UGT2B7: variants seen among roughly 807,000 people sequenced by gnomAD.
The protein encoded by UGT2B7 is UDP glucuronosyltransferase family 2 member B7.
UGT2B7 carries 51 observed loss-of-function variants against 51.9 expected under a neutral mutation model. That is an observed-to-expected ratio of 0.98 (90% CI 0.78 to 1.24). The LOEUF (loss-of-function observed/expected upper bound fraction) is 1.24. Among genes scored for constraint, UGT2B7 ranks in the 50% most tolerant of loss-of-function variants. The pLI, the probability that UGT2B7 is intolerant of heterozygous loss-of-function variation, is 0.00. For missense variants in UGT2B7, 727 were observed against 628.4 expected, an observed-to-expected ratio of 1.16 and a Z score of -1.68; for synonymous variants, 225 against 211.6, an observed-to-expected ratio of 1.06 and a Z score of -0.55.
At chr4:69,093,169 G>T (rs1306608185), upstream of UGT2B7, among the ~76,000 whole-genome samples, 1 of 152,134 alleles carries the variant, frequency 6.6e-6, no homozygotes, top group Non-Finnish European at 1.5e-5. Context: ...GGAGTCCCCT[G>T]TTGGGAGGTC....
At chr4:69,108,448 T>A in intron 5 of UGT2B7, 126 bp downstream of exon 5, 1 of 1,131,752 alleles carries the variant, frequency 8.8e-7, no homozygotes, top group South Asian at 2.0e-5. Flanking sequence ...TTAACCAATC[T>A]GAAATCTGCT....
In UGT2B7 at chr4:69,112,551, C is replaced by T. The variant is rs201354412; in HGVS notation, c.1405C>T (p.Arg469Cys). The change falls in exon 6 of 6, where the codon CGC becomes TGC. Residue 469 changes from arginine (R) to cysteine (C), a missense_variant. By Grantham distance (180) the Arg-to-Cys change is radical. Coordinates refer to ENST00000305231, the MANE Select transcript of UGT2B7 (RefSeq NM_001074.4). ...AGTCTTCTGGATTGAATTTGTCATG[C>T]GCCACAAAGGAGCTAAACACCTTCG... ...RAVFWIEFVM[R>C]HKGAKHLRVA... 193 of 1,613,882 alleles carry T rather than the reference C, an allele frequency of 1.2e-4. No homozygotes were observed. The highest frequency in any genetic ancestry group is 2.9e-4 in the South Asian group (26 of 91,066).
At chr4:69,082,416 TAAAAC>T (rs1254340698) in intron 1 of UGT2B7, among the ~76,000 whole-genome samples, 1 of 151,220 alleles carries the variant, frequency 6.6e-6, no homozygotes, top group Non-Finnish European at 1.5e-5. Context: ...ACAAAAAAGA[TAAAAC>T]AAAGTTCACG....
chr4:69,088,040 T>C (rs1441231947), intron 1 of UGT2B7, among the ~76,000 whole-genome samples: 3 of 152,130 alleles, frequency 2.0e-5, no homozygotes, highest in East Asian at 1.9e-4. Flanking sequence ...TTATTTCTTA[T>C]CTCCTTTAAG....
At chr4:69,087,421 T>C (rs1055290429) in intron 1 of UGT2B7, among the ~76,000 whole-genome samples, 7 of 152,014 alleles carry the variant, frequency 4.6e-5, no homozygotes, top group South Asian at 2.1e-4. Flanking sequence ...TGATTTTCTT[T>C]AATAACTTTG....
At chr4:69,054,548 C>T (rs1172744341) in intron 1 of UGT2B7, among the ~76,000 whole-genome samples, 1 of 152,164 alleles carries the variant, frequency 6.6e-6, no homozygotes, top group Non-Finnish European at 1.5e-5. Context: ...AACCCTGCCA[C>T]CTTACTCCTG....
intron 1 of UGT2B7, among the ~76,000 whole-genome samples, chr4:69,061,939 A>C (rs1227013627): frequency 1.3e-5 from 2 of 152,182 alleles, no homozygotes; most frequent in Non-Finnish European, 2.9e-5. Context: ...AGGACAGAGA[A>C]GGCATGAGAG....
At chr4:69,091,571 T>A (rs762713725), upstream of UGT2B7, among the ~76,000 whole-genome samples, 1 of 152,178 alleles carries the variant, frequency 6.6e-6, no homozygotes, top group Non-Finnish European at 1.5e-5. Context: ...ATTTTTAACA[T>A]CTGTGTATAT....
At chr4:69,081,510 A>G (rs1718837280) in intron 1 of UGT2B7, among the ~76,000 whole-genome samples, 1 of 152,144 alleles carries the variant, frequency 6.6e-6, no homozygotes, top group South Asian at 2.1e-4. Context: ...TAAAATAGAA[A>G]CCTGTATACA....
At chr4:69,089,060 GGC>G (rs532115223) in intron 1 of UGT2B7, among the ~76,000 whole-genome samples, 239 of 152,088 alleles carry the variant, frequency 1.6e-3, no homozygotes, top group Non-Finnish European at 2.3e-3. Flanking sequence ...AATTCAGTGT[GGC>G]TTTTTGTATT....
intron 1 of UGT2B7, among the ~76,000 whole-genome samples, chr4:69,088,756 A>G (rs976947778): frequency 3.3e-5 from 5 of 151,956 alleles, no homozygotes; most frequent in East Asian, 1.9e-4. Flanking sequence ...CTTGTTTCCA[A>G]TTCACCCCAG....
intron 1 of UGT2B7, 33 bp from the exon 2 acceptor site, chr4:69,098,507 G>A: frequency 6.4e-7 from 1 of 1,556,320 alleles, no homozygotes; most frequent in Non-Finnish European, 8.6e-7. Context: ...ATTATCTTGT[G>A]TCATCCACCT....
At chr4:69,051,706 G>T (rs1192746245) in intron 1 of UGT2B7, 1 of 152,196 alleles carries the variant, frequency 6.6e-6, no homozygotes, top group Admixed American at 6.5e-5. Flanking sequence ...TTTTGACTCG[G>T]CTTGACTTGG....
chr4:69,091,550 T>G (rs1263318264), upstream of UGT2B7, among the ~76,000 whole-genome samples: 1 of 152,192 alleles, frequency 6.6e-6, no homozygotes, highest in African/African-American at 2.4e-5. Context: ...GCCATTCATA[T>G]TTAATATTTA....
At chr4:69,052,529 A>G (rs1424092251) in intron 1 of UGT2B7, among the ~76,000 whole-genome samples, 1 of 111,250 alleles carries the variant, frequency 9.0e-6, no homozygotes, top group Non-Finnish European at 1.8e-5. Flanking sequence ...GTCCAAAGAC[A>G]TCAAAAAAGT....
intron 1 of UGT2B7, among the ~76,000 whole-genome samples, chr4:69,059,488 C>T (rs1718295149): frequency 6.6e-6 from 1 of 152,148 alleles, no homozygotes; most frequent in Non-Finnish European, 1.5e-5. Context: ...CCGTACTGTA[C>T]CATAGGCTGA....
intron 1 of UGT2B7, among the ~76,000 whole-genome samples, chr4:69,058,291 C>T (rs938731641): frequency 6.6e-6 from 1 of 152,140 alleles, no homozygotes; most frequent in African/African-American, 2.4e-5. Context: ...GAGTCAAGCT[C>T]AAAGGGATAC....
Position 69,077,252 on chromosome 4 carries a change from T to C in UGT2B7, c.-158-12220T>C, listed in dbSNP as rs1013905790. Among the ~76,000 whole-genome samples, 12 of 151,974 alleles carry C rather than the reference T, an allele frequency of 7.9e-5. No individual in the cohort carries two copies. The East Asian group carries it at 2.3e-3, about 29-fold the overall frequency. On this transcript the variant is annotated intron_variant, in intron 1 of 5. Coordinates refer to the UGT2B7 transcript ENST00000502942. ...TTTGGTCTTTTTGCTTAGGTTTGTC[T>C]TGGCTCTGCAGGCTCTTTTTTGGTT...
chr4:69,110,800 T>C lies in UGT2B7; in HGVS notation c.1311-1657T>C, dbSNP rs1026590937. ...CCTATACCACAATCTGAACAGTAGG[T>C]AAATCGATATCTTCACCTCAAGATA... On this transcript the variant is annotated intron_variant, in intron 5 of 5. Transcript: ENST00000305231. Among the ~76,000 whole-genome samples, 19 of 152,150 alleles carry C rather than the reference T, an allele frequency of 1.2e-4. 1 individual carries two copies. Among genetic ancestry groups the C allele is most frequent in the Non-Finnish European group, 2.2e-4 (15 of 68,000 alleles).
Sources: gnomAD v4.1 joint callset for allele counts (sites outside exome capture counted in the v4.1 genomes callset) on GRCh38, gnomAD v4.1.1 for gene constraint, MANE v1.5 for transcripts, NCBI Gene and HGNC (gene_info 2026-07-23, HGNC 2026-07-21) for gene names.